SYT14: variants seen among roughly 807,000 people sequenced by gnomAD.
SYT14 encodes the protein synaptotagmin-14.
Under a neutral mutation model 74.2 loss-of-function variants are expected in SYT14, and 32 were observed. The observed-to-expected ratio is 0.43, with a 90% confidence interval of 0.33 to 0.58. The LOEUF (loss-of-function observed/expected upper bound fraction) is 0.58. SYT14 is among the 20% of genes least tolerant of loss of function. The pLI, the probability that SYT14 is intolerant of heterozygous loss-of-function variation, is 0.05. For missense variants in SYT14, 791 were observed against 981.8 expected (o/e 0.81, Z 2.60); for synonymous variants, 298 against 337.7 (o/e 0.88, Z 1.29).
chr1:210,123,715 T>C (rs1215267467), intron 7 of SYT14, among the ~76,000 whole-genome samples: 1 of 152,182 alleles, frequency 6.6e-6, no homozygotes, highest in Admixed American at 6.5e-5. Context: ...TTAGAGTTTT[T>C]TGGGGAATGT....
intron 1 of SYT14, among the ~76,000 whole-genome samples, chr1:209,951,561 C>T (rs2078912305): frequency 6.6e-6 from 1 of 152,098 alleles, no homozygotes; most frequent in Non-Finnish European, 1.5e-5. Flanking sequence ...TAAAGTTAAA[C>T]ATGCACTTGC....
At chr1:210,161,793 A>G in exon 10 of SYT14, 1 of 453,910 alleles carries the variant, frequency 2.2e-6, no homozygotes, top group South Asian at 1.6e-5. Context: ...CTGTAGAACT[A>G]CGTAACTTTC....
chr1:210,076,202 G>T (rs889666506), intron 5 of SYT14, among the ~76,000 whole-genome samples: 1 of 152,036 alleles, frequency 6.6e-6, no homozygotes, highest in African/African-American at 2.4e-5. Flanking sequence ...ATAATTTTGG[G>T]TCATGATTAA....
intron 8 of SYT14, among the ~76,000 whole-genome samples, chr1:210,158,470 A>T (rs1215014233): frequency 2.0e-5 from 3 of 152,174 alleles, no homozygotes; most frequent in Non-Finnish European, 4.4e-5. Context: ...TTTTTGACAA[A>T]TATTTAGCTG....
At chr1:209,967,628 T>A (rs1005612516) in intron 2 of SYT14, among the ~76,000 whole-genome samples, 12 of 152,134 alleles carry the variant, frequency 7.9e-5, no homozygotes, top group African/African-American at 2.9e-4. Flanking sequence ...TTTATCCTAT[T>A]AATATCTGTA....
chr1:210,077,978 T>C (rs79473114), intron 5 of SYT14, among the ~76,000 whole-genome samples: 1,822 of 152,224 alleles, frequency 0.012, 16 homozygotes, highest in Non-Finnish European at 0.018. Flanking sequence ...CATGTTGATG[T>C]TGGAAACAAC....
At chr1:210,142,307 T>G (rs149565615) in intron 7 of SYT14, among the ~76,000 whole-genome samples, 2 of 152,338 alleles carry the variant, frequency 1.3e-5, no homozygotes, top group African/African-American at 4.8e-5. Context: ...ACCTTGGTAG[T>G]TCTCACAGTA....
At chr1:210,026,522 C>A (rs2080414918) in intron 5 of SYT14, among the ~76,000 whole-genome samples, 1 of 151,186 alleles carries the variant, frequency 6.6e-6, no homozygotes, top group African/African-American at 2.4e-5. Flanking sequence ...ATTAAATTTA[C>A]ATTATTTATT....
At chr1:210,016,533 T>C in exon 4 of SYT14, 1 of 1,231,954 alleles carries the variant, frequency 8.1e-7, no homozygotes, top group Non-Finnish European at 1.0e-6. Flanking sequence ...TGTAAAACAA[T>C]TGGAGTAGGA....
At chr1:209,965,098 C>G (rs2079134084) in intron 2 of SYT14, among the ~76,000 whole-genome samples, 1 of 152,120 alleles carries the variant, frequency 6.6e-6, no homozygotes, top group African/African-American at 2.4e-5. Flanking sequence ...ATTTTAGATT[C>G]AAGAGGTACA....
exon 5 of SYT14, chr1:210,021,045 C>T (rs1022998035): frequency 8.7e-6 from 14 of 1,613,208 alleles, no homozygotes; most frequent in Non-Finnish European, 1.2e-5. Context: ...ATAGATAATT[C>T]CTACATGGAC....
At chr1:210,148,886 TGAG>T (rs1442898016) in intron 7 of SYT14, among the ~76,000 whole-genome samples, 6 of 152,256 alleles carry the variant, frequency 3.9e-5, no homozygotes, top group Admixed American at 3.9e-4. Context: ...AAGAATAACA[TGAG>T]AAAATTATAA....
exon 4 of SYT14, chr1:210,015,899 G>T (rs750237235): frequency 8.1e-7 from 1 of 1,228,290 alleles, no homozygotes; most frequent in Non-Finnish European, 1.0e-6. Context: ...TTGAGCTGAC[G>T]AATAGCAACA....
At chr1:209,958,745 C>T (rs902112096) in intron 2 of SYT14, among the ~76,000 whole-genome samples, 2 of 152,182 alleles carry the variant, frequency 1.3e-5, no homozygotes, top group African/African-American at 4.8e-5. Flanking sequence ...TGGGTTTTCT[C>T]AGTAGACAGT....
intron 7 of SYT14, among the ~76,000 whole-genome samples, chr1:210,141,495 C>G (rs2082913470): frequency 6.6e-6 from 1 of 152,140 alleles, no homozygotes; most frequent in Non-Finnish European, 1.5e-5. Flanking sequence ...AGAGGTAGTT[C>G]TGATTCTTCA....
At chr1:209,994,440 GA>G (rs1364563477) in intron 2 of SYT14, among the ~76,000 whole-genome samples, 1 of 151,572 alleles carries the variant, frequency 6.6e-6, no homozygotes, top group Non-Finnish European at 1.5e-5. Flanking sequence ...CAAAAACGAA[GA>G]AAAAAGAATT....
chr1:210,074,726 G>A (rs569725168), intron 5 of SYT14, among the ~76,000 whole-genome samples: 15 of 152,198 alleles, frequency 9.9e-5, no homozygotes, highest in Non-Finnish European at 1.6e-4. Context: ...TGATGGTGGT[G>A]TGGATTGCTT....
rs912057041 is a variant in SYT14, at chr1:210,138,381, CAT to C, written c.2035-17339_2035-17338del. Among the ~76,000 whole-genome samples, 25 of 152,290 alleles carry C rather than the reference CAT, an allele frequency of 1.6e-4. 1 individual carries two copies. Among genetic ancestry groups the C allele is most frequent in the South Asian group, 4.1e-4 (2 of 4,824 alleles). ...ACCTCGCACCAGTTCCCTCCCATGA[CAT>C]GTGGGGATTATGGGAGCTACAGTTC... On this transcript the variant is annotated intron_variant, in intron 7 of 9. Transcript: ENST00000637265.
In SYT14 at chr1:210,161,898, A is replaced by C. The variant is rs766325185; in HGVS notation, c.*856A>C. ...ATTTCTTTCAGTGATTGACTCTTCA[A>C]AATTGCAGTAGTGTGAAAATACATT... is the stretch of plus-strand genomic sequence containing the variant. On this transcript the variant is annotated 3_prime_UTR_variant, in exon 10 of 10. Transcript: ENST00000637265. 9 of 451,592 alleles carry C rather than the reference A, an allele frequency of 2.0e-5. No homozygotes were observed. In the East Asian group the frequency reaches 4.9e-4, roughly 24 times the overall value. The allele number at this position is 451,592 out of a possible 1,614,324, so 28.0% of individuals were successfully genotyped here.
Sources: allele counts gnomAD v4.1 joint callset (sites outside exome capture counted in the v4.1 genomes callset), GRCh38; gene constraint gnomAD v4.1.1; transcripts MANE v1.5; gene names NCBI Gene and HGNC (gene_info 2026-07-23, HGNC 2026-07-21).